The following GTF2E2 variants were observed in gnomAD, a reference collection of about 807,000 sequenced individuals.
GTF2E2 encodes the protein general transcription factor IIE subunit 2.
A neutral mutation model predicts 40.5 loss-of-function variants in GTF2E2; 21 were observed. The observed-to-expected ratio is 0.52, with a 90% CI of 0.37 to 0.75. The LOEUF (loss-of-function observed/expected upper bound fraction) is 0.75. Among genes scored for constraint, GTF2E2 ranks in the 30% least tolerant of loss-of-function variants. GTF2E2 has a pLI of 0.00. For synonymous variants in GTF2E2, 117 were observed against 121.6 expected (o/e 0.96, Z 0.25); for missense variants, 298 against 338.4 (o/e 0.88, Z 0.94).
intron 2 of GTF2E2, among the ~76,000 whole-genome samples, chr8:30,652,824 T>C (rs1169937400): frequency 1.3e-5 from 2 of 152,140 alleles, no homozygotes; most frequent in Admixed American, 6.5e-5. Context: ...CGTTTATTGG[T>C]GAATGGATAA....
intron 2 of GTF2E2, among the ~76,000 whole-genome samples, chr8:30,640,729 G>A (rs1166524712): frequency 6.6e-6 from 1 of 152,154 alleles, no homozygotes; most frequent in Non-Finnish European, 1.5e-5. Context: ...CGGGGGGACG[G>A]AGTCTCACTC....
rs761200236 is a variant in GTF2E2 at position 30,612,470 on chromosome 8, G to A, written c.378C>T (p.Asn126=). ...CATCTATTACTTCAATTTTGGGATTGTTGACTAAAGCCTGTAACAGTGATA... is the reference window on the plus strand; with the variant it reads ...CATCTATTACTTCAATTTTGGGATTATTGACTAAAGCCTGTAACAGTGATA... The part of the protein sequence containing the change: ...KQWLMTEALV[N]NPKIEVIDGK... Residue 126 remains asparagine (N), a synonymous_variant, in exon 5 of 8, where the codon AAC becomes AAT. Coordinates refer to ENST00000355904, the MANE Select transcript of GTF2E2 (RefSeq NM_002095.6). The A allele has an allele frequency of 1.9e-6, 3 of 1,600,562 alleles. No individual in the cohort carries two copies. Among genetic ancestry groups the A allele is most frequent in the South Asian group, 2.2e-5 (2 of 90,686 alleles).
chr8:30,593,118 C>T (rs1828896036), intron 6 of GTF2E2, among the ~76,000 whole-genome samples: 1 of 152,118 alleles, frequency 6.6e-6, no homozygotes, highest in Non-Finnish European at 1.5e-5. Context: ...CACTTGAACC[C>T]GGGAGGAGGT....
intron 6 of GTF2E2, 66 bp downstream of exon 6, chr8:30,606,991 T>G (rs1004264656): frequency 3.3e-6 from 2 of 606,832 alleles, no homozygotes; most frequent in African/African-American, 3.9e-5. Context: ...GTATTATAAA[T>G]ATTAATTTTA....
At chr8:30,654,474 C>A (rs1802393609) in intron 1 of GTF2E2, among the ~76,000 whole-genome samples, 1 of 152,158 alleles carries the variant, frequency 6.6e-6, no homozygotes. Flanking sequence ...GTGATCATAG[C>A]TCAATGTAGC....
chr8:30,639,963 GATAAA>G (rs1248437494), intron 2 of GTF2E2, among the ~76,000 whole-genome samples: 1 of 151,958 alleles, frequency 6.6e-6, no homozygotes, highest in Non-Finnish European at 1.5e-5. Flanking sequence ...AAAAGTCTCA[GATAAA>G]ATAAAAATAA....
intron 6 of GTF2E2, among the ~76,000 whole-genome samples, chr8:30,599,064 AAC>A (rs1255932125): frequency 6.6e-6 from 1 of 152,240 alleles, no homozygotes; most frequent in African/African-American, 2.4e-5. Context: ...GTCAACTAAA[AAC>A]ACCCAATCAG....
At chr8:30,655,108 C>T (rs1362826637) in intron 1 of GTF2E2, among the ~76,000 whole-genome samples, 2 of 150,992 alleles carry the variant, frequency 1.3e-5, no homozygotes, top group Non-Finnish European at 2.9e-5. Flanking sequence ...CGCTGAGACA[C>T]GAGAACTGTT....
At chr8:30,629,349 T>C (rs1412752901) in intron 3 of GTF2E2, among the ~76,000 whole-genome samples, 1 of 152,082 alleles carries the variant, frequency 6.6e-6, no homozygotes, top group East Asian at 1.9e-4. Context: ...AGACAGAAGT[T>C]AGGCCAGTGA....
intron 2 of GTF2E2, among the ~76,000 whole-genome samples, chr8:30,641,718 A>G (rs1349176003): frequency 3.3e-5 from 5 of 152,216 alleles, no homozygotes; most frequent in Non-Finnish European, 7.3e-5. Flanking sequence ...CTCTACTAAA[A>G]AGACAAAAAT....
At chr8:30,637,132 A>C (rs1008637054) in intron 2 of GTF2E2, 2 of 434,786 alleles carry the variant, frequency 4.6e-6, no homozygotes, top group Admixed American at 2.6e-5. Flanking sequence ...TAAACCCTGT[A>C]ATAAACAGCC....
intron 4 of GTF2E2, among the ~76,000 whole-genome samples, chr8:30,613,977 T>C (rs1160401217): frequency 2.0e-5 from 3 of 152,202 alleles, no homozygotes; most frequent in Non-Finnish European, 4.4e-5. Context: ...CAACAAAATA[T>C]CTTCCTATCC....
intron 3 of GTF2E2, among the ~76,000 whole-genome samples, chr8:30,626,420 G>A (rs1801276061): frequency 6.6e-6 from 1 of 152,200 alleles, no homozygotes; most frequent in Admixed American, 6.5e-5. Context: ...GAGAGGTGGA[G>A]GTTGCAGTGA....
chr8:30,646,321 C>T (rs1309802391), intron 2 of GTF2E2, among the ~76,000 whole-genome samples: 1 of 152,064 alleles, frequency 6.6e-6, no homozygotes, highest in Non-Finnish European at 1.5e-5. Context: ...CTCTCAAAGG[C>T]TAAGATAACC....
intron 6 of GTF2E2, among the ~76,000 whole-genome samples, chr8:30,601,969 A>G (rs1829192322): frequency 6.6e-6 from 1 of 151,922 alleles, no homozygotes; most frequent in South Asian, 2.1e-4. Flanking sequence ...TTTCAATTCC[A>G]TTCCATTTAC....
At chr8:30,585,493 A>G (rs930727039) in intron 6 of GTF2E2, among the ~76,000 whole-genome samples, 1 of 152,224 alleles carries the variant, frequency 6.6e-6, no homozygotes, top group Non-Finnish European at 1.5e-5. Flanking sequence ...CATATTAAAT[A>G]CATCGTAAAG....
intron 6 of GTF2E2, chr8:30,597,589 C>T (rs1376591101): frequency 6.6e-6 from 1 of 152,238 alleles, no homozygotes; most frequent in Non-Finnish European, 1.5e-5. Flanking sequence ...TCAGGTCTTA[C>T]CTTTCCAAGG....
rs572162637 is a variant in GTF2E2, at chr8:30,653,494, CGAT to C, written c.102_104del (p.Ser36del). 4.6e-5 allele frequency: 75 copies of C among 1,613,026 alleles called. No homozygotes were observed. Among genetic ancestry groups the C allele is most frequent in the Middle Eastern group, 3.3e-4 (2 of 6,080 alleles). ...CTACCTTTGTTTTCTTCTTCTTTGA[CGAT>C]GATGATGATGACTCAGAAGATGCTG... is the stretch of plus-strand genomic sequence containing the variant. On this transcript the variant is annotated inframe_deletion, in exon 2 of 8. Coordinates refer to ENST00000355904, the MANE Select transcript of GTF2E2 (RefSeq NM_002095.6).
chr8:30,587,875 A>G (rs1014220845), intron 6 of GTF2E2, among the ~76,000 whole-genome samples: 1 of 150,612 alleles, frequency 6.6e-6, no homozygotes, highest in Non-Finnish European at 1.5e-5. Flanking sequence ...CCGTCTTAAA[A>G]AAAAAAAAAA....
Sources: gnomAD v4.1 joint callset for allele counts (sites outside exome capture counted in the v4.1 genomes callset) on GRCh38, gnomAD v4.1.1 for gene constraint, MANE v1.5 for transcripts, NCBI Gene and HGNC (gene_info 2026-07-23, HGNC 2026-07-21) for gene names.